Variants in CHKA observed in about 807,000 individuals in gnomAD.
The protein encoded by CHKA is CHETK-alpha.
CHKA carries 34 observed loss-of-function variants against 60.1 expected under a neutral mutation model. The ratio of observed to expected loss-of-function variants is 0.57; its 90% CI spans 0.43 to 0.75. CHKA has a LOEUF of 0.75. Ranked by LOEUF, CHKA falls within the 30% of genes least tolerant of loss-of-function variation. The pLI, the probability that CHKA is intolerant of heterozygous loss-of-function variation, is 0.00. For missense variants in CHKA, 563 were observed against 561.3 expected (o/e 1.00, Z -0.03); for synonymous variants, 217 against 223.1 (o/e 0.97, Z 0.24).
At chr11:68,105,575 G>A (rs1234046978) in intron 1 of CHKA, among the ~76,000 whole-genome samples, 1 of 146,050 alleles carries the variant, frequency 6.8e-6, no homozygotes, top group Non-Finnish European at 1.5e-5. Context: ...CATCTCTAAT[G>A]TCAAACATCT....
chr11:68,074,466 C>A (rs1856720329), intron 4 of CHKA, among the ~76,000 whole-genome samples: 2 of 152,106 alleles, frequency 1.3e-5, no homozygotes, highest in African/African-American at 4.8e-5. Context: ...GGGTACACAG[C>A]CTCAGGGGAC....
At chr11:68,068,188 C>T (rs368302007) in intron 7 of CHKA, among the ~76,000 whole-genome samples, 1 of 152,094 alleles carries the variant, frequency 6.6e-6, no homozygotes, top group South Asian at 2.1e-4. Flanking sequence ...TAGGATTACA[C>T]GTGTTGCGAT....
chr11:68,065,993 A>G (rs749322025), intron 8 of CHKA, 99 bp from the exon 9 acceptor site: 36 of 766,916 alleles, frequency 4.7e-5, no homozygotes, highest in Non-Finnish European at 7.7e-5. Flanking sequence ...CGAGCACGCC[A>G]CTCCTGTTGC....
intron 9 of CHKA, 123 bp downstream of exon 9, chr11:68,065,663 T>C (rs1409906735): frequency 4.4e-6 from 3 of 678,940 alleles, no homozygotes; most frequent in Non-Finnish European, 7.8e-6. Context: ...ATCGCACTAC[T>C]GCACTCCAGC....
chr11:68,118,658 C>T (rs1434931684), intron 1 of CHKA, among the ~76,000 whole-genome samples: 2 of 152,194 alleles, frequency 1.3e-5, no homozygotes, highest in African/African-American at 2.4e-5. Context: ...CCTTATTAAA[C>T]TTATTCCATA....
intron 3 of CHKA, among the ~76,000 whole-genome samples, 182 bp from the exon 4 acceptor site, chr11:68,075,012 T>C (rs1052058006): frequency 1.3e-5 from 2 of 152,246 alleles, no homozygotes; most frequent in African/African-American, 4.8e-5. Context: ...ACACATCGTG[T>C]CATTTGCAGG....
At chr11:68,074,673 T>C (rs1476763303) in intron 4 of CHKA, 44 bp downstream of exon 4, 1 of 1,552,584 alleles carries the variant, frequency 6.4e-7, no homozygotes, top group Admixed American at 1.7e-5. Context: ...AGCCATCTTC[T>C]GTCTGTGGCA....
intron 2 of CHKA, among the ~76,000 whole-genome samples, chr11:68,087,676 T>G (rs1857224028): frequency 6.6e-6 from 1 of 152,122 alleles, no homozygotes; most frequent in Non-Finnish European, 1.5e-5. Context: ...ATGGATGACA[T>G]TCTCTTCTTC....
rs1858637034 is a variant in CHKA at position 68,121,204 on chromosome 11, G to A, written c.-27C>T. 2.6e-6 allele frequency: 3 copies of A among 1,152,218 alleles called. No individual in the cohort carries two copies. The highest frequency in any genetic ancestry group is 5.0e-5 in the Admixed American group (1 of 19,976). The allele number at this position is 1,152,218 out of a possible 1,614,324, so 71.4% of individuals were successfully genotyped here. ...CCCGACAGGCGGCCGAGGAGGCGCG[G>A]GCGGCCGCAGCGCGAGAGGACTAGG... is the stretch of plus-strand genomic sequence containing the variant. On this transcript the variant is annotated 5_prime_UTR_variant, in exon 1 of 12. Transcript: ENST00000265689.
intron 3 of CHKA, among the ~76,000 whole-genome samples, chr11:68,079,825 G>A (rs939923410): frequency 6.6e-5 from 10 of 152,190 alleles, no homozygotes; most frequent in African/African-American, 2.2e-4. Context: ...CGAGGTCAGG[G>A]CTGGAGGAAG....
intron 3 of CHKA, among the ~76,000 whole-genome samples, chr11:68,079,130 C>T (rs1469314502): frequency 6.6e-6 from 1 of 151,830 alleles, no homozygotes; most frequent in Admixed American, 6.6e-5. Flanking sequence ...AACAGGGTTT[C>T]ACCCTGTTGG....
rs1855846755 is a variant in CHKA, at chr11:68,052,919, A to G, written c.*1069T>C. ...TCTGTGGTAGCAGAAATATATGCAC[A>G]AAAAACAATTCAAATAAGAGTTCAG... On this transcript the variant is annotated 3_prime_UTR_variant, in exon 12 of 12. Coordinates refer to ENST00000265689, the MANE Select transcript of CHKA (RefSeq NM_001277.3). 6.6e-6 allele frequency: 1 copy of G among 152,518 alleles called. No individual in the cohort carries two copies. The highest frequency in any genetic ancestry group is 2.4e-5 in the African/African-American group (1 of 41,448). The allele number at this position is 152,518 out of a possible 1,614,324, so 9.4% of individuals were successfully genotyped here.
intron 4 of CHKA, among the ~76,000 whole-genome samples, chr11:68,072,770 G>A (rs1396478930): frequency 6.6e-6 from 1 of 152,006 alleles, no homozygotes; most frequent in Non-Finnish European, 1.5e-5. Context: ...GACAGGAGAA[G>A]AGCTTGAAGC....
chr11:68,090,953 G>A (rs1565186432), intron 2 of CHKA, among the ~76,000 whole-genome samples: 1 of 152,280 alleles, frequency 6.6e-6, no homozygotes, highest in East Asian at 1.9e-4. Context: ...AACTGGCACA[G>A]GTTACATTGA....
intron 1 of CHKA, among the ~76,000 whole-genome samples, chr11:68,105,103 C>CA (rs986302317): frequency 6.3e-4 from 87 of 137,030 alleles, no homozygotes; most frequent in East Asian, 2.3e-3. Context: ...AACTCCATCT[C>CA]AAAAAAAAAA....
intron 10 of CHKA, among the ~76,000 whole-genome samples, chr11:68,063,781 A>G (rs1040189843): frequency 2.6e-5 from 4 of 152,176 alleles, no homozygotes; most frequent in African/African-American, 9.7e-5. Flanking sequence ...TGATGGTTTT[A>G]CAAGTATTTG....
chr11:68,083,598 G>C (rs541299653), intron 2 of CHKA, among the ~76,000 whole-genome samples: 3 of 152,038 alleles, frequency 2.0e-5, no homozygotes, highest in Non-Finnish European at 4.4e-5. Flanking sequence ...ATCTAATGGC[G>C]CTCGCAAAAG....
chr11:68,073,690 G>C (rs1856695227), intron 4 of CHKA, among the ~76,000 whole-genome samples: 1 of 152,032 alleles, frequency 6.6e-6, no homozygotes, highest in South Asian at 2.1e-4. Context: ...CTGGGCTGTG[G>C]GATTAGACAA....
intron 1 of CHKA, among the ~76,000 whole-genome samples, chr11:68,108,332 A>G (rs1475884068): frequency 6.6e-5 from 10 of 152,188 alleles, no homozygotes; most frequent in Non-Finnish European, 1.5e-4. Context: ...AAAGAAAGAA[A>G]GAAAAGAAAT....
Sources: allele counts gnomAD v4.1 joint callset (sites outside exome capture counted in the v4.1 genomes callset), GRCh38; gene constraint gnomAD v4.1.1; transcripts MANE v1.5; gene names NCBI Gene and HGNC (gene_info 2026-07-23, HGNC 2026-07-21).